ZFHX3: variants seen among roughly 807,000 people sequenced by gnomAD.
ZFHX3 encodes zinc finger homeobox 3.
In ZFHX3, 42 loss-of-function variants were observed where a neutral mutation model predicts 279.1. The ratio of observed to expected loss-of-function variants is 0.15; its 90% CI spans 0.12 to 0.19. The LOEUF (loss-of-function observed/expected upper bound fraction) is 0.19. ZFHX3 is among the 10% of genes least tolerant of loss of function. The probability of loss-of-function intolerance (pLI) is 1.00; values close to 1 mark genes in which losing one functional copy is unlikely to be tolerated. For missense variants in ZFHX3, 4,981 were observed against 4,754.0 expected, an observed-to-expected ratio of 1.05 and a Z score of -1.40; for synonymous variants, 2,293 against 1,957.8, an observed-to-expected ratio of 1.17 and a Z score of -4.52.
intron 2 of ZFHX3, among the ~76,000 whole-genome samples, chr16:73,581,490 T>C (rs1171451560): frequency 6.6e-6 from 1 of 151,868 alleles, no homozygotes; most frequent in Non-Finnish European, 1.5e-5. Context: ...AAATGGATGC[T>C]TGTTACTTTC....
At chr16:73,570,376 A>G (rs1468692668) in intron 2 of ZFHX3, among the ~76,000 whole-genome samples, 1 of 152,198 alleles carries the variant, frequency 6.6e-6, no homozygotes, top group Non-Finnish European at 1.5e-5. Flanking sequence ...TGGCACAATA[A>G]ACATGTTTCT....
intron 1 of ZFHX3, among the ~76,000 whole-genome samples, chr16:73,737,056 C>G (rs565339426): frequency 6.6e-6 from 1 of 151,672 alleles, no homozygotes; most frequent in African/African-American, 2.4e-5. Flanking sequence ...TTTTTTAAGA[C>G]AGGGTCTCAC....
chr16:73,867,372 C>A (rs944439220), intron 1 of ZFHX3, among the ~76,000 whole-genome samples: 1 of 152,162 alleles, frequency 6.6e-6, no homozygotes. Flanking sequence ...CTCACCCATG[C>A]ACCTAGACAT....
At chr16:73,745,230 G>T (rs1211649017) in intron 1 of ZFHX3, among the ~76,000 whole-genome samples, 2 of 152,128 alleles carry the variant, frequency 1.3e-5, no homozygotes, top group Non-Finnish European at 2.9e-5. Context: ...AAAGCTGAAG[G>T]TCTCTTGTGC....
At chr16:73,720,380 G>T (rs182095152) in intron 1 of ZFHX3, among the ~76,000 whole-genome samples, 13 of 152,184 alleles carry the variant, frequency 8.5e-5, no homozygotes, top group African/African-American at 3.1e-4. Flanking sequence ...ATTTTATCTC[G>T]CTATCATTTA....
intron 2 of ZFHX3, among the ~76,000 whole-genome samples, chr16:73,458,545 T>A (rs1197571789): frequency 6.6e-6 from 1 of 152,044 alleles, no homozygotes; most frequent in Non-Finnish European, 1.5e-5. Context: ...CCTGCTAATT[T>A]TTGTATTTCA....
At chr16:73,159,127 A>G (rs949446011) in intron 5 of ZFHX3, among the ~76,000 whole-genome samples, 2 of 152,242 alleles carry the variant, frequency 1.3e-5, no homozygotes, top group African/African-American at 4.8e-5. Context: ...GAAACTGTCA[A>G]CAGAGTACAC....
chr16:73,872,393 CTTATTA>C (rs201419445), intron 1 of ZFHX3, among the ~76,000 whole-genome samples: 1,909 of 152,034 alleles, frequency 0.013, 36 homozygotes, highest in African/African-American at 0.043. Flanking sequence ...GCCCAGTTAA[CTTATTA>C]TTATTATTTA....
Position 73,069,888 on chromosome 16 carries a change from C to T in ZFHX3, c.-532-10876G>A, listed in dbSNP as rs146351975. ...TCTAAATGAGATATTTCATCATGGA[C>T]GCAAAAGCCTTATTTCCAGGCATTT... On this transcript the variant is annotated intron_variant, in intron 8 of 17. Coordinates refer to the ZFHX3 transcript ENST00000641206. Among the ~76,000 whole-genome samples the T allele has an allele frequency of 1.6e-4, 24 of 152,270 alleles. No individual in the cohort carries two copies. The East Asian group carries it at 4.4e-3, about 28-fold the overall frequency.
intron 4 of ZFHX3, among the ~76,000 whole-genome samples, chr16:72,882,373 T>C (rs961527188): frequency 2.6e-5 from 4 of 152,140 alleles, no homozygotes; most frequent in African/African-American, 9.7e-5. Context: ...ACGTGTCATA[T>C]GCTGAAACAA....
At chr16:72,850,364 C>G (rs2037586474) in intron 4 of ZFHX3, among the ~76,000 whole-genome samples, 1 of 152,244 alleles carries the variant, frequency 6.6e-6, no homozygotes. Flanking sequence ...GACGAACGAC[C>G]ATCCCACTGT....
chr16:73,744,340 C>T (rs548963231), intron 1 of ZFHX3, among the ~76,000 whole-genome samples: 3 of 152,290 alleles, frequency 2.0e-5, no homozygotes, highest in Non-Finnish European at 2.9e-5. Context: ...ACCATTTAAT[C>T]GGAACAACTC....
At chr16:72,999,619 T>C (rs906408926) in intron 1 of ZFHX3, among the ~76,000 whole-genome samples, 5 of 152,124 alleles carry the variant, frequency 3.3e-5, no homozygotes, top group East Asian at 3.9e-4. Flanking sequence ...CTGGGCAGGA[T>C]TGGCTCAGGG....
At position 72,787,663 on chromosome 16, in the gene ZFHX3, A is replaced by T. The variant is rs748311700; in HGVS notation, c.10613T>A (p.Leu3538His). The T allele has an allele frequency of 3.8e-6, 6 of 1,573,700 alleles. No individual in the cohort carries two copies. Among genetic ancestry groups the T allele is most frequent in the Non-Finnish European group, 5.2e-6 (6 of 1,159,598 alleles). Residue 3538 changes from leucine to histidine, a missense_variant, in exon 10 of 10, where the codon CTC becomes CAC. Transcript: ENST00000268489. ...SYHCLACESALCGEEALSQHL... is the reference protein window; with the variant it reads ...SYHCLACESAHCGEEALSQHL... ...TTGACTCAGAGCTTCCTCCCCACAG[A>T]GCGCGCTCTCGCACGCCAGGCAGTG...
rs568365945 is a variant in ZFHX3 at position 73,764,319 on chromosome 16, T to C, written c.-1607-84079A>G. ...AGGTTTCTGCCTGTGATTCAATCTC[T>C]GGCTCCCTATGAGAAATCTTTTTTA... On this transcript the variant is annotated intron_variant, in intron 1 of 17. Coordinates refer to the ZFHX3 transcript ENST00000641206. Among the ~76,000 whole-genome samples, 3 of 152,242 alleles carry C rather than the reference T, an allele frequency of 2.0e-5. No individual in the cohort carries two copies. In the East Asian group the frequency reaches 5.8e-4, roughly 29 times the overall value.
intron 1 of ZFHX3, among the ~76,000 whole-genome samples, chr16:72,980,448 G>T (rs1962541915): frequency 1.3e-5 from 2 of 152,078 alleles, no homozygotes; most frequent in Non-Finnish European, 2.9e-5. Flanking sequence ...TGCAACTTGG[G>T]ATTAGATCAT....
At chr16:73,511,163 G>A (rs1292536602) in intron 2 of ZFHX3, among the ~76,000 whole-genome samples, 1 of 152,194 alleles carries the variant, frequency 6.6e-6, no homozygotes, top group African/African-American at 2.4e-5. Context: ...TTTATTATCT[G>A]GGTAAAGAGC....
chr16:73,505,907 G>A (rs2019318405), intron 2 of ZFHX3, among the ~76,000 whole-genome samples: 1 of 152,212 alleles, frequency 6.6e-6, no homozygotes, highest in African/African-American at 2.4e-5. Context: ...TTGGTATTTT[G>A]CCCTTGGACA....
At chr16:73,363,708 T>C (rs2016474387) in intron 3 of ZFHX3, among the ~76,000 whole-genome samples, 1 of 152,232 alleles carries the variant, frequency 6.6e-6, no homozygotes, top group Non-Finnish European at 1.5e-5. Context: ...GAGCTCCTTC[T>C]ATCCACCCTT....
Sources: gnomAD v4.1 joint callset for allele counts (sites outside exome capture counted in the v4.1 genomes callset) on GRCh38, gnomAD v4.1.1 for gene constraint, MANE v1.5 for transcripts, NCBI Gene and HGNC (gene_info 2026-07-23, HGNC 2026-07-21) for gene names.